ZBTB7C: variants seen among roughly 807,000 people sequenced by gnomAD.
ZBTB7C encodes zinc finger and BTB domain-containing protein 7C.
ZBTB7C carries 8 observed loss-of-function variants against 25.7 expected under a neutral mutation model. The ratio of observed to expected loss-of-function variants is 0.31; its 90% confidence interval spans 0.18 to 0.56. The LOEUF is 0.56. Ranked by LOEUF, ZBTB7C falls within the 20% of genes least tolerant of loss-of-function variation. The pLI, the probability that ZBTB7C is intolerant of heterozygous loss-of-function variation, is 0.91. For synonymous variants in ZBTB7C, 394 were observed against 369.0 expected (o/e 1.07, Z -0.78); for missense variants, 824 against 855.2 (o/e 0.96, Z 0.46).
chr18:48,077,230 C>T (rs1184405912), intron 3 of ZBTB7C, among the ~76,000 whole-genome samples: 4 of 151,710 alleles, frequency 2.6e-5, no homozygotes, highest in Non-Finnish European at 5.9e-5. Flanking sequence ...TTCTGGAGAC[C>T]TAATAAAAGT....
intron 3 of ZBTB7C, among the ~76,000 whole-genome samples, chr18:48,101,727 TGTAA>T (rs1357368032): frequency 6.6e-6 from 1 of 152,234 alleles, no homozygotes; most frequent in African/African-American, 2.4e-5. Flanking sequence ...TTGCAGAGCT[TGTAA>T]GTGTTACCAA....
At chr18:48,235,961 A>C (rs796993617) in intron 2 of ZBTB7C, among the ~76,000 whole-genome samples, 10 of 152,330 alleles carry the variant, frequency 6.6e-5, no homozygotes, top group African/African-American at 2.4e-4. Flanking sequence ...TGAGAATTTA[A>C]ATTTTTAATC....
intron 3 of ZBTB7C, among the ~76,000 whole-genome samples, chr18:48,067,105 A>AAAAAC (rs146239933): frequency 0.073 from 11,045 of 152,012 alleles, 454 homozygotes; most frequent in Non-Finnish European, 0.095. Context: ...CCATCTCCAA[A>AAAAAC]AAAACAAAAC....
intron 4 of ZBTB7C, among the ~76,000 whole-genome samples, chr18:48,034,728 T>C (rs2035901361): frequency 6.6e-6 from 1 of 152,236 alleles, no homozygotes; most frequent in Admixed American, 6.5e-5. Context: ...CCTCTGGCCC[T>C]GGTCCCCTTG....
At chr18:48,409,430 G>C (rs897365842), upstream of ZBTB7C, 5 of 146,204 alleles carry the variant, frequency 3.4e-5, no homozygotes, top group African/African-American at 7.4e-5. Context: ...CTCCCTCCCC[G>C]CGCCGCGCCT....
intron 1 of ZBTB7C, among the ~76,000 whole-genome samples, chr18:48,397,676 T>C (rs1203201185): frequency 9.2e-5 from 14 of 152,170 alleles, no homozygotes. Context: ...TCATCACAGG[T>C]CTCACAACTT....
chr18:48,111,698 C>T (rs1335381680), intron 3 of ZBTB7C, among the ~76,000 whole-genome samples: 2 of 152,160 alleles, frequency 1.3e-5, no homozygotes, highest in Non-Finnish European at 2.9e-5. Context: ...CTGGGGTTTT[C>T]GTGTGGACGG....
chr18:48,321,751 G>A (rs1046893348), intron 2 of ZBTB7C, among the ~76,000 whole-genome samples: 2 of 152,160 alleles, frequency 1.3e-5, no homozygotes, highest in African/African-American at 4.8e-5. Flanking sequence ...TCAGCAGCCT[G>A]CTCACAGAGC....
At chr18:48,318,667 G>A (rs889034097) in intron 2 of ZBTB7C, among the ~76,000 whole-genome samples, 2 of 152,206 alleles carry the variant, frequency 1.3e-5, no homozygotes, top group Non-Finnish European at 2.9e-5. Flanking sequence ...ACCCCCTGGG[G>A]CAGGGGCGAT....
At chr18:48,342,901 A>G (rs189405931) in intron 1 of ZBTB7C, among the ~76,000 whole-genome samples, 22 of 152,140 alleles carry the variant, frequency 1.4e-4, no homozygotes, top group Admixed American at 9.8e-4. Context: ...AAATAAGTTC[A>G]TTGTTTTTTA....
intron 3 of ZBTB7C, among the ~76,000 whole-genome samples, chr18:48,166,460 C>A (rs936956833): frequency 3.3e-5 from 5 of 152,186 alleles, no homozygotes; most frequent in African/African-American, 1.2e-4. Context: ...GACTTCTCAG[C>A]TTCTCAGACC....
At chr18:48,144,004 G>A (rs770643526) in intron 3 of ZBTB7C, among the ~76,000 whole-genome samples, 1 of 152,242 alleles carries the variant, frequency 6.6e-6, no homozygotes, top group Non-Finnish European at 1.5e-5. Context: ...TAGGCCAGGA[G>A]CGGTGGCTCA....
intron 3 of ZBTB7C, among the ~76,000 whole-genome samples, chr18:48,089,430 C>T (rs2144539949): frequency 6.6e-6 from 1 of 151,280 alleles, no homozygotes; most frequent in African/African-American, 2.4e-5. Context: ...CGAGATCACG[C>T]CACTGCACTA....
At chr18:48,297,417 C>T (rs1249040765) in intron 2 of ZBTB7C, among the ~76,000 whole-genome samples, 1 of 152,158 alleles carries the variant, frequency 6.6e-6, no homozygotes, top group Non-Finnish European at 1.5e-5. Context: ...CTCCCCACTG[C>T]CCTTCCCTGG....
intron 3 of ZBTB7C, among the ~76,000 whole-genome samples, chr18:48,053,208 G>A (rs987788469): frequency 3.3e-5 from 5 of 152,170 alleles, no homozygotes; most frequent in African/African-American, 1.2e-4. Flanking sequence ...TCTTCCCATC[G>A]CCCCTACAGT....
chr18:48,404,975 C>A (rs1319210012), intron 1 of ZBTB7C, among the ~76,000 whole-genome samples: 2 of 152,230 alleles, frequency 1.3e-5, no homozygotes, highest in African/African-American at 4.8e-5. Context: ...CCATCCACAG[C>A]CTCCTACTGA....
At chr18:48,104,401 GA>G (rs902902521) in intron 3 of ZBTB7C, among the ~76,000 whole-genome samples, 6 of 152,180 alleles carry the variant, frequency 3.9e-5, no homozygotes, top group Non-Finnish European at 8.8e-5. Flanking sequence ...AGAAGCAGAT[GA>G]TGGCACCATG....
At chr18:48,309,734 T>C (rs2045767422) in intron 2 of ZBTB7C, among the ~76,000 whole-genome samples, 1 of 152,224 alleles carries the variant, frequency 6.6e-6, no homozygotes, top group Non-Finnish European at 1.5e-5. Flanking sequence ...AAACTGAGTC[T>C]TATAAAAAAT....
intron 3 of ZBTB7C, among the ~76,000 whole-genome samples, chr18:48,138,958 C>T (rs1327238647): frequency 2.0e-5 from 3 of 152,142 alleles, no homozygotes; most frequent in African/African-American, 2.4e-5. Flanking sequence ...GTGCCAACCT[C>T]GGAGCCTCTC....
Sources: gnomAD v4.1 joint callset for allele counts (sites outside exome capture counted in the v4.1 genomes callset) on GRCh38, gnomAD v4.1.1 for gene constraint, MANE v1.5 for transcripts, NCBI Gene and HGNC (gene_info 2026-07-23, HGNC 2026-07-21) for gene names.